Variants in HLCS observed in about 807,000 individuals in gnomAD.
HLCS encodes holocarboxylase synthetase, also known as biotin--protein ligase.
Under a neutral mutation model 75.0 loss-of-function variants are expected in HLCS, and 53 were observed. The ratio of observed to expected loss-of-function variants is 0.71; its 90% CI spans 0.57 to 0.89. HLCS has a LOEUF of 0.89. HLCS is among the 40% of genes least tolerant of loss of function. The pLI is 0.00. For missense variants in HLCS, 966 were observed against 1,074.0 expected (o/e 0.90, Z 1.41); for synonymous variants, 431 against 428.6 (o/e 1.01, Z -0.07).
chr21:36,934,719 T>C (rs1054014952), intron 4 of HLCS, among the ~76,000 whole-genome samples: 4 of 152,168 alleles, frequency 2.6e-5, no homozygotes, highest in African/African-American at 9.6e-5. Context: ...CCTCCTCTTA[T>C]TGGGTTACAT....
chr21:36,954,085 C>T (rs1158652276), intron 2 of HLCS, among the ~76,000 whole-genome samples: 2 of 152,082 alleles, frequency 1.3e-5, no homozygotes, highest in African/African-American at 4.8e-5. Flanking sequence ...GAGGGTGGAT[C>T]ACCTGAGGTC....
chr21:36,940,667 C>T (rs2067101999), intron 2 of HLCS, among the ~76,000 whole-genome samples: 1 of 152,170 alleles, frequency 6.6e-6, no homozygotes, highest in Non-Finnish European at 1.5e-5. Flanking sequence ...AGGGGTATTC[C>T]TGCAAGACAC....
intron 6 of HLCS, among the ~76,000 whole-genome samples, chr21:36,845,586 T>C (rs2062770578): frequency 6.6e-6 from 1 of 152,142 alleles, no homozygotes; most frequent in South Asian, 2.1e-4. Flanking sequence ...TCCCAGTTAA[T>C]TCCAGGCCAG....
rs1309459476 is a variant in HLCS, at chr21:36,867,381, A to AT, written c.1892+29478dup. ...CTAAACCTCCAGAGTACATGGCTGA[A>AT]TTATAGAGTAACACAGCAGCAAACA... On this transcript the variant is annotated intron_variant, in intron 6 of 10. Transcript: ENST00000674895. 2.6e-5 allele frequency among the ~76,000 whole-genome samples: 4 copies of AT among 152,376 alleles called. No individual in the cohort carries two copies. In the East Asian group the frequency reaches 5.8e-4, roughly 22 times the overall value.
chr21:36,853,489 C>T (rs965392210), intron 6 of HLCS, among the ~76,000 whole-genome samples: 3 of 152,112 alleles, frequency 2.0e-5, no homozygotes, highest in Non-Finnish European at 2.9e-5. Context: ...GGATAAAATA[C>T]AAGTTTTTTT....
In HLCS at chr21:36,975,386, G is replaced by A. The variant is rs565121768; in HGVS notation, c.-392-13216C>T. On this transcript the variant is annotated intron_variant, in intron 1 of 11. Coordinates refer to the HLCS transcript ENST00000336648. Reference sequence around the variant, plus strand: ...CCCTCACCAGAACAGGCACTAGCACGACAGCCTGCTGGATGATTCCCGGTG... The same window carrying A: ...CCCTCACCAGAACAGGCACTAGCACAACAGCCTGCTGGATGATTCCCGGTG... Among the ~76,000 whole-genome samples, 13 of 152,078 alleles carry A rather than the reference G, an allele frequency of 8.5e-5. No homozygotes were observed. In the East Asian group the frequency reaches 1.4e-3, roughly 16 times the overall value.
chr21:36,845,771 CCAAG>C (rs2062777435), intron 6 of HLCS, among the ~76,000 whole-genome samples: 1 of 152,136 alleles, frequency 6.6e-6, no homozygotes, highest in Non-Finnish European at 1.5e-5. Flanking sequence ...AAAAAAAAGT[CCAAG>C]TATCACAGGC....
intron 6 of HLCS, among the ~76,000 whole-genome samples, chr21:36,859,393 T>G (rs2063309953): frequency 6.6e-6 from 1 of 152,206 alleles, no homozygotes; most frequent in Non-Finnish European, 1.5e-5. Context: ...CCTCCCTGGC[T>G]TCTCACAAAT....
intron 6 of HLCS, among the ~76,000 whole-genome samples, chr21:36,794,312 G>A (rs940957571): frequency 2.0e-5 from 3 of 152,254 alleles, no homozygotes; most frequent in Non-Finnish European, 4.4e-5. Flanking sequence ...AAATACAGCA[G>A]ATAAGGGGTA....
chr21:36,955,953 A>G (rs1369125434), intron 2 of HLCS, among the ~76,000 whole-genome samples: 1 of 152,230 alleles, frequency 6.6e-6, no homozygotes, highest in Non-Finnish European at 1.5e-5. Context: ...CATGCTGTAC[A>G]GGTTTATAGC....
intron 6 of HLCS, among the ~76,000 whole-genome samples, chr21:36,784,230 C>T (rs1341033842): frequency 6.6e-6 from 1 of 151,914 alleles, no homozygotes; most frequent in Non-Finnish European, 1.5e-5. Flanking sequence ...GTTTGCCTGG[C>T]TCAGAGGCCC....
intron 6 of HLCS, among the ~76,000 whole-genome samples, chr21:36,791,728 G>A (rs2060871847): frequency 6.6e-6 from 1 of 152,108 alleles, no homozygotes; most frequent in Non-Finnish European, 1.5e-5. Flanking sequence ...GAGGGCCACG[G>A]AAGCGGGTGC....
chr21:36,847,344 A>G (rs2062831903), intron 6 of HLCS, among the ~76,000 whole-genome samples: 1 of 152,220 alleles, frequency 6.6e-6, no homozygotes, highest in Admixed American at 6.5e-5. Context: ...GCAGCACGCT[A>G]GAATCAACAT....
At chr21:36,826,527 AG>A (rs1359459609) in intron 6 of HLCS, among the ~76,000 whole-genome samples, 1 of 152,174 alleles carries the variant, frequency 6.6e-6, no homozygotes, top group Non-Finnish European at 1.5e-5. Context: ...TTTTTCCAAA[AG>A]GGTAAAAAGT....
Position 36,818,806 on chromosome 21 carries a change from G to A in HLCS, c.1893-51521C>T, listed in dbSNP as rs76021806. Among the ~76,000 whole-genome samples, 396 of 152,216 alleles carry A rather than the reference G, an allele frequency of 2.6e-3. 1 individual carries two copies. Among genetic ancestry groups the A allele is most frequent in the African/African-American group, 9.1e-3 (377 of 41,520 alleles). On this transcript the variant is annotated intron_variant, in intron 6 of 10. Transcript: ENST00000674895. Reference sequence around the variant, plus strand: ...TTTAGCCATTTATCAAGATGGAGTCGGGGCTGAGCATTTATACAGGCATTT... The same window carrying A: ...TTTAGCCATTTATCAAGATGGAGTCAGGGCTGAGCATTTATACAGGCATTT...
At chr21:36,896,291 A>G (rs1832216006) in intron 6 of HLCS, among the ~76,000 whole-genome samples, 1 of 152,256 alleles carries the variant, frequency 6.6e-6, no homozygotes, top group African/African-American at 2.4e-5. Context: ...TCGAGGCTGC[A>G]GTGAGCTGTG....
At chr21:36,879,311 A>G (rs2064114129) in intron 6 of HLCS, among the ~76,000 whole-genome samples, 1 of 152,216 alleles carries the variant, frequency 6.6e-6, no homozygotes, top group African/African-American at 2.4e-5. Context: ...GCTCAAAAAG[A>G]AATATGATTA....
rs544862227 is a variant in HLCS, at chr21:36,867,577, T to C, written c.1892+29283A>G. On this transcript the variant is annotated intron_variant, in intron 6 of 10. Transcript: ENST00000674895. ...GTTTAAGAGAAAATCTCTACCCCTCTATTTCCACTCCTTTGTCTTATCTGC... is the reference window on the plus strand; with the variant it reads ...GTTTAAGAGAAAATCTCTACCCCTCCATTTCCACTCCTTTGTCTTATCTGC... 9.2e-5 allele frequency among the ~76,000 whole-genome samples: 14 copies of C among 152,284 alleles called. 1 individual carries two copies. In the South Asian group the frequency reaches 2.9e-3, roughly 32 times the overall value.
intron 6 of HLCS, among the ~76,000 whole-genome samples, chr21:36,788,186 T>A (rs1332712031): frequency 6.6e-6 from 1 of 152,176 alleles, no homozygotes; most frequent in East Asian, 1.9e-4. Flanking sequence ...TGCCAAATGC[T>A]CGGTGAAGCG....
Sources: allele counts gnomAD v4.1 joint callset (sites outside exome capture counted in the v4.1 genomes callset), GRCh38; gene constraint gnomAD v4.1.1; transcripts MANE v1.5; gene names NCBI Gene and HGNC (gene_info 2026-07-23, HGNC 2026-07-21).